Variants in MTMR7 observed in about 807,000 individuals in gnomAD.
MTMR7 encodes myotubularin related protein 7, also known as phosphatidylinositol-3-phosphate phosphatase MTMR7.
MTMR7 carries 76 observed loss-of-function variants against 81.2 expected under a neutral mutation model. The observed-to-expected ratio is 0.94, with a 90% CI of 0.78 to 1.13. The LOEUF (loss-of-function observed/expected upper bound fraction) is 1.13, where lower values mean the gene tolerates loss of function less well. Among genes scored for constraint, MTMR7 ranks in the 50% most tolerant of loss-of-function variants. The pLI, the probability that MTMR7 is intolerant of heterozygous loss-of-function variation, is 0.00. For missense variants in MTMR7, 1,044 were observed against 820.0 expected (o/e 1.27, Z -3.34); for synonymous variants, 372 against 289.8 (o/e 1.28, Z -2.88).
chr8:17,332,232 T>C (rs1819040531), intron 6 of MTMR7, among the ~76,000 whole-genome samples: 1 of 152,144 alleles, frequency 6.6e-6, no homozygotes, highest in Admixed American at 6.5e-5. Context: ...GAAAAAAATA[T>C]CTGCTTTTAA....
chr8:17,329,894 C>G (rs1818906917), intron 7 of MTMR7, among the ~76,000 whole-genome samples: 1 of 152,100 alleles, frequency 6.6e-6, no homozygotes, highest in East Asian at 1.9e-4. Context: ...GACTGACTGC[C>G]AATTATGTAC....
intron 7 of MTMR7, among the ~76,000 whole-genome samples, chr8:17,322,317 A>C (rs1269642602): frequency 6.6e-6 from 1 of 152,230 alleles, no homozygotes; most frequent in Non-Finnish European, 1.5e-5. Flanking sequence ...GCTCATCACC[A>C]TGTGTTCCAG....
intron 1 of MTMR7, among the ~76,000 whole-genome samples, chr8:17,412,792 G>A (rs1563388373): frequency 6.6e-6 from 1 of 152,152 alleles, no homozygotes; most frequent in East Asian, 1.9e-4. Context: ...GACTGGGAAG[G>A]CCGAGCCGGG....
At chr8:17,341,550 G>C in intron 5 of MTMR7, 53 bp from the exon 6 acceptor site, 3 of 1,599,054 alleles carry the variant, frequency 1.9e-6, no homozygotes, top group South Asian at 1.1e-5. Flanking sequence ...GTACCCATGA[G>C]AGACACTCTA....
chr8:17,402,608 C>G (rs1457876513), intron 1 of MTMR7, among the ~76,000 whole-genome samples: 1 of 152,198 alleles, frequency 6.6e-6, no homozygotes, highest in African/African-American at 2.4e-5. Context: ...TTTTTTATGC[C>G]TGAATAGTAC....
Position 17,299,296 on chromosome 8 carries a change from G to C in MTMR7, c.*566C>G, listed in dbSNP as rs1050565315. 1.3e-5 allele frequency: 2 copies of C among 152,212 alleles called. No individual in the cohort carries two copies. The highest frequency in any genetic ancestry group is 2.4e-5 in the African/African-American group (1 of 41,428). The allele number at this position is 152,212 out of a possible 1,614,324, so 9.4% of individuals were successfully genotyped here. ...TCACAATTCAAAATATATGCTCCAA[G>C]GAAAAGTTAAAGTGATGATTATGCC... On this transcript the variant is annotated 3_prime_UTR_variant, in exon 14 of 14. Transcript: ENST00000180173.
rs773698398 is a variant in MTMR7, at chr8:17,341,345, C to T, written c.732+18G>A. 15 of 1,613,172 alleles carry T rather than the reference C, an allele frequency of 9.3e-6. No homozygotes were observed. The highest frequency in any genetic ancestry group is 2.2e-5 in the East Asian group (1 of 44,876). On this transcript the variant is annotated intron_variant, in intron 6 of 13. Transcript: ENST00000180173. ...ACAACTCAGGTGCAAAGACATGCAT[C>T]GCAACGGTGACACTTACTTTAGGCC...
chr8:17,398,279 A>C (rs986470521), intron 1 of MTMR7, among the ~76,000 whole-genome samples: 9 of 152,204 alleles, frequency 5.9e-5, no homozygotes, highest in Non-Finnish European at 1.2e-4. Context: ...AGTGTTGAGG[A>C]AACTCAAAGA....
At chr8:17,397,939 A>G (rs1821312391) in intron 1 of MTMR7, among the ~76,000 whole-genome samples, 1 of 152,182 alleles carries the variant, frequency 6.6e-6, no homozygotes, top group Non-Finnish European at 1.5e-5. Flanking sequence ...GATAATCCAA[A>G]TAATTCTTCA....
In MTMR7 at chr8:17,348,977, A is replaced by C. The variant is rs1819644186; in HGVS notation, c.573T>G (p.Leu191=). The C allele has an allele frequency of 6.2e-7, 1 of 1,613,744 alleles. No individual in the cohort carries two copies. Among genetic ancestry groups the C allele is most frequent in the Non-Finnish European group, 8.5e-7 (1 of 1,179,970 alleles). Residue 191 remains leucine, a synonymous_variant, in exon 5 of 14, where the codon CTT becomes CTG. Transcript: ENST00000180173. ...KFRSRRRFPV[L]SYYYKDNHAS... is the part of the protein sequence containing the mutation. Reference sequence around the variant, plus strand: ...CGTGGTTATCTTTATAATAGTAAGAAAGGACAGGAAATCGCCGTCTACTCC... The same window carrying C: ...CGTGGTTATCTTTATAATAGTAAGACAGGACAGGAAATCGCCGTCTACTCC...
chr8:17,368,407 A>G (rs1820303637), intron 3 of MTMR7, among the ~76,000 whole-genome samples: 1 of 152,218 alleles, frequency 6.6e-6, no homozygotes. Context: ...TTTGTTGGTG[A>G]CTAACCAGAA....
rs561596564 is a variant in MTMR7, at chr8:17,336,773, C to CA, written c.732+4589dup. 2.6e-3 allele frequency among the ~76,000 whole-genome samples: 399 copies of CA among 152,308 alleles called. 2 individuals are homozygous for CA. Among genetic ancestry groups the CA allele is most frequent in the African/African-American group, 8.9e-3 (371 of 41,572 alleles). Reference sequence around the variant, plus strand: ...CCCCCTCCGCTGGCCCTGGCTGCGTCAGAGGAGCTGCTGGGAGGTTCTCTG... The same window carrying CA: ...CCCCCTCCGCTGGCCCTGGCTGCGTCAAGAGGAGCTGCTGGGAGGTTCTCTG... On this transcript the variant is annotated intron_variant, in intron 6 of 13. Coordinates refer to ENST00000180173, the MANE Select transcript of MTMR7 (RefSeq NM_004686.5).
At chr8:17,302,650 GCTTTTAT>G (rs1817192270) in intron 12 of MTMR7, among the ~76,000 whole-genome samples, 1 of 125,490 alleles carries the variant, frequency 8.0e-6, no homozygotes, top group Non-Finnish European at 1.6e-5. Flanking sequence ...TAAACTTGCA[GCTTTTAT>G]CTTTTGTATC....
intron 1 of MTMR7, among the ~76,000 whole-genome samples, chr8:17,396,018 C>T (rs1452333710): frequency 6.6e-6 from 1 of 151,780 alleles, no homozygotes; most frequent in African/African-American, 2.4e-5. Flanking sequence ...GATTAAACTA[C>T]CGGAAATAAG....
intron 1 of MTMR7, among the ~76,000 whole-genome samples, chr8:17,383,089 G>T (rs1248370543): frequency 6.6e-6 from 1 of 151,962 alleles, no homozygotes; most frequent in Non-Finnish European, 1.5e-5. Flanking sequence ...CACCTGGGGG[G>T]TGTGGAAGGT....
At chr8:17,303,285 G>A (rs917249986) in intron 12 of MTMR7, among the ~76,000 whole-genome samples, 5 of 152,080 alleles carry the variant, frequency 3.3e-5, no homozygotes, top group African/African-American at 1.2e-4. Flanking sequence ...CATGCACTAT[G>A]GAGGCTTTTG....
intron 1 of MTMR7, among the ~76,000 whole-genome samples, chr8:17,389,342 ATT>A (rs1414101656): frequency 6.6e-6 from 1 of 152,186 alleles, no homozygotes; most frequent in African/African-American, 2.4e-5. Flanking sequence ...AACCCAAGTT[ATT>A]TTATTCCTAA....
At chr8:17,321,656 A>G (rs922806926) in intron 7 of MTMR7, among the ~76,000 whole-genome samples, 2 of 152,328 alleles carry the variant, frequency 1.3e-5, no homozygotes, top group African/African-American at 4.8e-5. Context: ...AGAAATACTT[A>G]TTTGTTCACT....
Position 17,304,472 on chromosome 8 carries a change from C to G in MTMR7, c.1400G>C (p.Arg467Pro), listed in dbSNP as rs553369647. ...AAACAGAGGATTCAGGTAGTCGGCC[C>G]GATTCTTCCACAGGTGAGCCCATAA... ...YSLWAHLWKNRADYLNPLFRA... is the reference protein window; with the variant it reads ...YSLWAHLWKNPADYLNPLFRA... The change falls in exon 12 of 14, where the codon CGG (arginine) becomes CCG (proline). Residue 467 changes from arginine (R) to proline (P), a missense_variant. Coordinates refer to ENST00000180173, the MANE Select transcript of MTMR7 (RefSeq NM_004686.5). 1.2e-4 allele frequency: 194 copies of G among 1,613,904 alleles called. 1 individual carries two copies. The South Asian group carries it at 2.0e-3, about 17-fold the overall frequency.
Sources: gnomAD v4.1 joint callset for allele counts (sites outside exome capture counted in the v4.1 genomes callset) on GRCh38, gnomAD v4.1.1 for gene constraint, MANE v1.5 for transcripts, NCBI Gene and HGNC (gene_info 2026-07-23, HGNC 2026-07-21) for gene names.